ASPRV1: variants seen among roughly 807,000 people sequenced by gnomAD.
ASPRV1 encodes the protein retroviral-like aspartic protease 1.
ASPRV1 carries 7 observed loss-of-function variants against 11.0 expected under a neutral mutation model. The observed-to-expected ratio is 0.64, with a 90% CI of 0.36 to 1.20. The LOEUF (loss-of-function observed/expected upper bound fraction) is 1.20, where lower values mean the gene tolerates loss of function less well. ASPRV1 is among the 50% of genes most tolerant of loss of function. The pLI is 0.02. For synonymous variants in ASPRV1, 136 were observed against 138.4 expected, an observed-to-expected ratio of 0.98 and a Z score of 0.12; for missense variants, 299 against 320.0, an observed-to-expected ratio of 0.93 and a Z score of 0.50.
chr2:70,052,357 C>G, the ASPRV1 span, among the ~76,000 whole-genome samples: 3 of 151,934 alleles, frequency 2.0e-5, no homozygotes, highest in African/African-American at 4.8e-5. Flanking sequence ...TGTCCTCAAT[C>G]AAGTGAAATC....
chr2:69,948,727 C>T, the ASPRV1 span, among the ~76,000 whole-genome samples: 2 of 152,132 alleles, frequency 1.3e-5, no homozygotes, highest in Non-Finnish European at 1.5e-5. Context: ...CCGGGGCCAC[C>T]GGACCCCACG....
the ASPRV1 span, among the ~76,000 whole-genome samples, chr2:70,080,226 C>T: frequency 7.1e-6 from 1 of 140,386 alleles, no homozygotes; most frequent in African/African-American, 3.0e-5. Context: ...GTGCCCTGCC[C>T]CTTCTGTTTT....
At chr2:70,010,065 T>C in the ASPRV1 span, among the ~76,000 whole-genome samples, 1 of 152,012 alleles carries the variant, frequency 6.6e-6, no homozygotes, top group South Asian at 2.1e-4. Flanking sequence ...GTCACAGAGC[T>C]GGAGGAGGGG....
chr2:70,037,022 A>G, the ASPRV1 span, among the ~76,000 whole-genome samples: 1 of 152,166 alleles, frequency 6.6e-6, no homozygotes, highest in East Asian at 1.9e-4. Flanking sequence ...AAGGTGCCAA[A>G]TCTAGGGAGT....
the ASPRV1 span, among the ~76,000 whole-genome samples, chr2:69,951,606 G>A: frequency 6.6e-6 from 1 of 150,600 alleles, no homozygotes; most frequent in African/African-American, 2.4e-5. Context: ...GATATGATAT[G>A]TAGCTCTAGA....
chr2:70,073,916 G>A, the ASPRV1 span, among the ~76,000 whole-genome samples: 143 of 151,934 alleles, frequency 9.4e-4, 2 homozygotes, highest in South Asian at 0.023. Flanking sequence ...GGCAGATCAC[G>A]AGGTCAGGAG....
the ASPRV1 span, chr2:70,050,856 T>G: frequency 6.6e-6 from 1 of 151,788 alleles, no homozygotes; most frequent in Non-Finnish European, 1.5e-5. Flanking sequence ...GGCAGGAGGA[T>G]CTCTTGAGCC....
chr2:69,939,447 T>C, the ASPRV1 span: 2 of 152,652 alleles, frequency 1.3e-5, no homozygotes, highest in African/African-American at 2.4e-5. Context: ...TCTCCGACTT[T>C]GTAGCATTTT....
the ASPRV1 span, among the ~76,000 whole-genome samples, chr2:70,023,842 G>A: frequency 6.6e-6 from 1 of 151,728 alleles, no homozygotes; most frequent in Non-Finnish European, 1.5e-5. Flanking sequence ...CTTTTCAATT[G>A]CAAAATTAGT....
chr2:70,078,162 A>T, the ASPRV1 span, among the ~76,000 whole-genome samples: 42 of 152,350 alleles, frequency 2.8e-4, no homozygotes, highest in South Asian at 8.3e-4. Flanking sequence ...GTTTCAAAAA[A>T]AATAATAATT....
the ASPRV1 span, among the ~76,000 whole-genome samples, chr2:70,070,040 G>A: frequency 3.3e-5 from 5 of 151,972 alleles, no homozygotes; most frequent in South Asian, 4.1e-4. Flanking sequence ...TGAGCCAGGC[G>A]TGGTGGCACG....
chr2:69,987,952 G>A, the ASPRV1 span, among the ~76,000 whole-genome samples: 2 of 152,188 alleles, frequency 1.3e-5, no homozygotes, highest in Non-Finnish European at 2.9e-5. Context: ...CCTACAATGT[G>A]CCAGGCACTG....
the ASPRV1 span, among the ~76,000 whole-genome samples, chr2:70,067,987 T>G: frequency 2.0e-5 from 3 of 152,246 alleles, no homozygotes; most frequent in Admixed American, 6.5e-5. Flanking sequence ...TCCACTGGCC[T>G]TGAGGTTCAC....
chr2:70,006,046 T>C, the ASPRV1 span, among the ~76,000 whole-genome samples: 3 of 152,164 alleles, frequency 2.0e-5, no homozygotes, highest in African/African-American at 7.2e-5. Flanking sequence ...TTGTAGGATG[T>C]TTGGCAGCAT....
At chr2:70,032,197 G>A in the ASPRV1 span, 1 of 152,176 alleles carries the variant, frequency 6.6e-6, no homozygotes, top group Non-Finnish European at 1.5e-5. Flanking sequence ...TCAAAGTTTG[G>A]AATTACAGTG....
At chr2:70,044,767 TCTTA>T in the ASPRV1 span, among the ~76,000 whole-genome samples, 110 of 152,246 alleles carry the variant, frequency 7.2e-4, no homozygotes, top group African/African-American at 2.4e-3. Flanking sequence ...CTGAGACACC[TCTTA>T]TTTACTCAGT....
the ASPRV1 span, among the ~76,000 whole-genome samples, chr2:70,076,532 T>C: frequency 6.6e-6 from 1 of 152,236 alleles, no homozygotes; most frequent in Non-Finnish European, 1.5e-5. Context: ...GCAGGTATTA[T>C]CATTATCCTC....
chr2:70,029,826 G>T, the ASPRV1 span, among the ~76,000 whole-genome samples: 1 of 152,122 alleles, frequency 6.6e-6, no homozygotes, highest in African/African-American at 2.4e-5. Flanking sequence ...GGAGGCTGAG[G>T]AGGGAGTACA....
the ASPRV1 span, among the ~76,000 whole-genome samples, chr2:70,041,327 G>C: frequency 2.6e-5 from 4 of 152,222 alleles, no homozygotes; most frequent in Non-Finnish European, 5.9e-5. Flanking sequence ...GCATGCAGGG[G>C]AAGTAACTGG....
Sources: gnomAD v4.1 joint callset for allele counts (sites outside exome capture counted in the v4.1 genomes callset) on GRCh38, gnomAD v4.1.1 for gene constraint, MANE v1.5 for transcripts, NCBI Gene and HGNC (gene_info 2026-07-23, HGNC 2026-07-21) for gene names.